Variants in APC observed in about 807,000 individuals in gnomAD.
APC encodes adenomatous polyposis coli protein.
In APC, 72 loss-of-function variants were observed where a neutral mutation model predicts 247.0. That is an observed-to-expected ratio of 0.29 (90% CI 0.24 to 0.35). The LOEUF is 0.35. Ranked by LOEUF, APC falls within the 10% of genes least tolerant of loss-of-function variation. The probability of loss-of-function intolerance (pLI) is 1.00; values close to 1 mark genes in which losing one functional copy is unlikely to be tolerated. For missense variants in APC, 3,400 were observed against 3,360.7 expected, an observed-to-expected ratio of 1.01 and a Z score of -0.29; for synonymous variants, 1,254 against 1,162.5, an observed-to-expected ratio of 1.08 and a Z score of -1.60.
rs1325776789 is a variant in APC, at chr5:112,840,171, C to G, written c.4577C>G (p.Pro1526Arg). 6.2e-7 allele frequency: 1 copy of G among 1,614,106 alleles called. No homozygotes were observed. The highest frequency in any genetic ancestry group is 1.1e-5 in the South Asian group (1 of 91,082). ...AAAGATGTGGAATTAAGAATAATGCCTCCAGTTCAGGAAAATGACAATGGG... is the reference window on the plus strand; with the variant it reads ...AAAGATGTGGAATTAAGAATAATGCGTCCAGTTCAGGAAAATGACAATGGG... Reference protein sequence around the residue: ...IQKDVELRIMPPVQENDNGNE... With the variant: ...IQKDVELRIMRPVQENDNGNE... The change falls in exon 16 of 16, where the codon CCT (proline) becomes CGT (arginine). Residue 1526 changes from proline to arginine, a missense_variant. By Grantham distance (103) the Pro-to-Arg change is moderately radical. Transcript: ENST00000257430. The surrounding 1 kb of genome is among the most constrained non-coding windows in gnomAD (Gnocchi z 4.1).
rs550542956 is a variant in APC at position 112,727,578 on chromosome 5, GC to G, written c.165+19697del. Among the ~76,000 whole-genome samples, 272 of 152,002 alleles carry G rather than the reference GC, an allele frequency of 1.8e-3. 1 individual carries two copies. Among genetic ancestry groups the G allele is most frequent in the African/African-American group, 6.3e-3 (260 of 41,444 alleles). The stretch of plus-strand genomic sequence containing the variant: ...TTATCAATTATGATATATTTTCAGG[GC>G]TGATTTGTGTGTTATAAACTGATTT... On this transcript the variant is annotated intron_variant, in intron 1 of 13. Coordinates refer to the APC transcript ENST00000507379.
At chr5:112,753,090 C>G (rs1180542806) in intron 1 of APC, among the ~76,000 whole-genome samples, 5 of 151,886 alleles carry the variant, frequency 3.3e-5, no homozygotes, top group African/African-American at 1.2e-4. Context: ...TGTAAAATTA[C>G]CTGTTAATTT....
intron 1 of APC, chr5:112,738,506 C>G (rs1752598548): frequency 1.0e-6 from 1 of 984,994 alleles, no homozygotes; most frequent in Non-Finnish European, 1.2e-6. Context: ...AAATACTGGT[C>G]ACCAGTAGTG....
intron 8 of APC, among the ~76,000 whole-genome samples, chr5:112,810,593 C>T (rs1254084391): frequency 6.6e-6 from 1 of 152,156 alleles, no homozygotes; most frequent in African/African-American, 2.4e-5. Flanking sequence ...GCTCAAATTT[C>T]TCTAATGCTG....
At chr5:112,780,166 A>T (rs1758166431) in intron 5 of APC, among the ~76,000 whole-genome samples, 1 of 152,182 alleles carries the variant, frequency 6.6e-6, no homozygotes, top group Admixed American at 6.5e-5. Flanking sequence ...GTTATTACCC[A>T]TTCTGAAGAA....
chr5:112,771,739 C>G (rs996176340), intron 4 of APC, among the ~76,000 whole-genome samples: 1 of 152,072 alleles, frequency 6.6e-6, no homozygotes, highest in Non-Finnish European at 1.5e-5. Flanking sequence ...ATTTATTCAG[C>G]TTTTTTCTGT....
At chr5:112,742,096 G>A (rs944079791) in intron 1 of APC, among the ~76,000 whole-genome samples, 1 of 152,084 alleles carries the variant, frequency 6.6e-6, no homozygotes, top group African/African-American at 2.4e-5. Flanking sequence ...GTGTGCAAGT[G>A]TCTGCTTGGG....
chr5:112,813,341 G>T (rs187625270), intron 8 of APC, among the ~76,000 whole-genome samples: 17 of 152,130 alleles, frequency 1.1e-4, no homozygotes, highest in African/African-American at 3.9e-4. Context: ...CCTCACCTTG[G>T]CTTATAACAT....
At position 112,842,097 on chromosome 5, in the gene APC, T is replaced by A; in HGVS notation, c.6503T>A (p.Leu2168Gln). 6.2e-7 allele frequency: 1 copy of A among 1,611,236 alleles called. No individual in the cohort carries two copies. The highest frequency in any genetic ancestry group is 1.1e-5 in the South Asian group (1 of 90,876). ...ACAAGTAATAAAGGCCCACGAATTC[T>A]AAAACCAGGGGAGAAAAGTACATTG... ...PFTSNKGPRI[L>Q]KPGEKSTLET... Residue 2168 changes from leucine (L) to glutamine (Q), a missense_variant, in exon 16 of 16, where the codon CTA becomes CAA. By Grantham distance (113) the Leu-to-Gln change is moderately radical. Coordinates refer to ENST00000257430, the MANE Select transcript of APC (RefSeq NM_000038.6).
upstream of APC, among the ~76,000 whole-genome samples, chr5:112,733,245 C>T (rs1326995615): frequency 2.6e-5 from 4 of 152,114 alleles, no homozygotes; most frequent in Admixed American, 2.6e-4. Context: ...ATAATGGCTC[C>T]CTACAAATGT....
At chr5:112,818,842 T>G in intron 9 of APC, 124 bp from the exon 10 acceptor site, 1 of 907,778 alleles carries the variant, frequency 1.1e-6, no homozygotes, top group Non-Finnish European at 1.6e-6. Context: ...TTGTTTTTTT[T>G]TTGGCGGGGG....
rs115574430 is a variant in APC at position 112,771,897 on chromosome 5, C to G, written c.423-3732C>G. ...TGGTTAAGCCAGGACTTAAACCCAG[C>G]TTGTAGCTTTATAAGCTGGGTTTTG... On this transcript the variant is annotated intron_variant, in intron 4 of 15. Coordinates refer to ENST00000257430, the MANE Select transcript of APC (RefSeq NM_000038.6). Among the ~76,000 whole-genome samples the G allele has an allele frequency of 4.4e-3, 662 of 152,162 alleles. 7 individuals are homozygous for G. Among genetic ancestry groups the G allele is most frequent in the South Asian group, 0.016 (77 of 4,824 alleles).
intron 1 of APC, among the ~76,000 whole-genome samples, chr5:112,746,588 T>G (rs569728277): frequency 1.3e-4 from 20 of 152,148 alleles, no homozygotes; most frequent in Non-Finnish European, 2.9e-4. Context: ...ATCAAGAAAT[T>G]AAAAGAGAAA....
intron 4 of APC, among the ~76,000 whole-genome samples, chr5:112,767,891 C>G (rs1475119180): frequency 6.6e-6 from 1 of 152,016 alleles, no homozygotes; most frequent in African/African-American, 2.4e-5. Flanking sequence ...GAGTAATACA[C>G]ATAATTATTA....
intron 7 of APC, among the ~76,000 whole-genome samples, chr5:112,792,753 C>T (rs544341974): frequency 6.5e-4 from 99 of 152,126 alleles, no homozygotes; most frequent in African/African-American, 2.2e-3. Flanking sequence ...AATATAGATA[C>T]CTTACTTTAG....
At chr5:112,781,979 C>T (rs776480749) in intron 6 of APC, among the ~76,000 whole-genome samples, 27 of 152,176 alleles carry the variant, frequency 1.8e-4, no homozygotes, top group Non-Finnish European at 2.6e-4. Context: ...AGTGATCCAC[C>T]GGCCTCAGCC....
chr5:112,808,461 G>A (rs1347525082), intron 8 of APC, among the ~76,000 whole-genome samples: 2 of 151,832 alleles, frequency 1.3e-5, no homozygotes, highest in Non-Finnish European at 2.9e-5. Flanking sequence ...TTTTGTTTTT[G>A]TTTTTGTTTT....
intron 6 of APC, 66 bp from the exon 7 acceptor site, chr5:112,792,380 G>C (rs1452485638): frequency 1.9e-6 from 2 of 1,077,544 alleles, no homozygotes; most frequent in African/African-American, 1.6e-5. Flanking sequence ...GGTAGCCATA[G>C]TATGATTATT....
In APC at chr5:112,844,405, C is replaced by G. The variant is rs1297010069; in HGVS notation, c.*279C>G. 3 of 372,408 alleles carry G rather than the reference C, an allele frequency of 8.1e-6. No individual in the cohort carries two copies. Among genetic ancestry groups the G allele is most frequent in the African/African-American group, 2.1e-5 (1 of 47,838 alleles). The allele number at this position is 372,408 out of a possible 1,614,324, so 23.1% of individuals were successfully genotyped here. A position where few individuals can be genotyped will look rare whatever the true frequency, so the allele number is the denominator to read the frequency against. ...TTAAAGTAGCATCCCATCCCAACTT[C>G]CTTTAATTATTGCTTGTCTTAAAAT... On this transcript the variant is annotated 3_prime_UTR_variant, in exon 16 of 16. Transcript: ENST00000257430.
Sources: gnomAD v4.1 joint callset for allele counts (sites outside exome capture counted in the v4.1 genomes callset) on GRCh38, gnomAD v4.1.1 for gene constraint, Gnocchi (gnomAD v3.1) non-coding constraint, MANE v1.5 for transcripts, NCBI Gene and HGNC (gene_info 2026-07-23, HGNC 2026-07-21) for gene names.